UBE2E2: variants seen among roughly 807,000 people sequenced by gnomAD.
The protein encoded by UBE2E2 is ubiquitin conjugating enzyme E2 E2, also known as ubiquitin-conjugating enzyme E2 E2.
UBE2E2 carries 6 observed loss-of-function variants against 24.7 expected under a neutral mutation model. The observed-to-expected ratio is 0.24, with a 90% CI of 0.13 to 0.48. The LOEUF (loss-of-function observed/expected upper bound fraction) is 0.48. UBE2E2 is among the 20% of genes least tolerant of loss of function. The pLI is 0.99. For missense variants in UBE2E2, 169 were observed against 245.0 expected (o/e 0.69, Z 2.07); for synonymous variants, 104 against 83.6 (o/e 1.24, Z -1.33).
At chr3:23,360,751 T>C (rs1286839465) in intron 3 of UBE2E2, among the ~76,000 whole-genome samples, 1 of 152,174 alleles carries the variant, frequency 6.6e-6, no homozygotes, top group Middle Eastern at 3.4e-3. Context: ...GGTAGCCTTT[T>C]TGAAAGAAGA....
intron 5 of UBE2E2, among the ~76,000 whole-genome samples, chr3:23,546,068 C>T (rs942517807): frequency 9.2e-5 from 14 of 152,136 alleles, no homozygotes; most frequent in South Asian, 4.1e-4. Context: ...GCACTACTCA[C>T]GTGTAGGTAT....
chr3:23,385,635 C>A (rs1696790356), intron 3 of UBE2E2, among the ~76,000 whole-genome samples: 1 of 152,132 alleles, frequency 6.6e-6, no homozygotes, highest in Non-Finnish European at 1.5e-5. Context: ...AATCTCATTT[C>A]CATATGTGGG....
chr3:23,332,327 A>G (rs1301021678), intron 3 of UBE2E2, among the ~76,000 whole-genome samples: 4 of 152,022 alleles, frequency 2.6e-5, no homozygotes, highest in African/African-American at 7.2e-5. Context: ...TATTTTTAGT[A>G]GAGATGGGGC....
intron 3 of UBE2E2, among the ~76,000 whole-genome samples, chr3:23,392,975 A>G (rs1426555058): frequency 6.6e-6 from 1 of 152,178 alleles, no homozygotes; most frequent in Admixed American, 6.6e-5. Flanking sequence ...CTAAGTGAGG[A>G]TGCGGCAGAA....
intron 3 of UBE2E2, among the ~76,000 whole-genome samples, chr3:23,328,789 G>A (rs1326919324): frequency 6.6e-6 from 1 of 151,896 alleles, no homozygotes; most frequent in African/African-American, 2.4e-5. Flanking sequence ...AGCCTCCTGA[G>A]TAGCTGGGAT....
At chr3:23,398,004 G>A (rs184776737) in intron 3 of UBE2E2, among the ~76,000 whole-genome samples, 84 of 152,036 alleles carry the variant, frequency 5.5e-4, no homozygotes, top group African/African-American at 1.9e-3. Context: ...GATTTCTATT[G>A]TTCAGTTGAA....
intron 3 of UBE2E2, among the ~76,000 whole-genome samples, chr3:23,439,152 T>C (rs1415959203): frequency 6.6e-6 from 1 of 152,362 alleles, no homozygotes; most frequent in East Asian, 1.9e-4. Context: ...TGACATTGAA[T>C]TCATGATGTT....
intron 5 of UBE2E2, among the ~76,000 whole-genome samples, chr3:23,559,473 A>T (rs540958375): frequency 2.6e-4 from 40 of 152,290 alleles, no homozygotes; most frequent in Non-Finnish European, 5.4e-4. Context: ...TGAGAATTAG[A>T]TTTAAATTAC....
rs934110232 is a variant in UBE2E2 at position 23,421,509 on chromosome 3, C to G, written c.228-78099C>G. Among the ~76,000 whole-genome samples, 12 of 152,304 alleles carry G rather than the reference C, an allele frequency of 7.9e-5. 2 individuals carry two copies. Among genetic ancestry groups the G allele is most frequent in the Admixed American group, 2.0e-4 (3 of 15,296 alleles). ...GCAACCTCTGCCTCCAGGGTGCAAA[C>G]AATTCTCCTGTCCCAGCCTCCCGAG... On this transcript the variant is annotated intron_variant, in intron 3 of 5. Coordinates refer to ENST00000396703, the MANE Select transcript of UBE2E2 (RefSeq NM_152653.4).
intron 3 of UBE2E2, among the ~76,000 whole-genome samples, chr3:23,312,635 C>T (rs1364548465): frequency 1.3e-5 from 2 of 151,930 alleles, no homozygotes; most frequent in Non-Finnish European, 2.9e-5. Flanking sequence ...TTTATTTCTG[C>T]TCTGATCTTT....
intron 5 of UBE2E2, among the ~76,000 whole-genome samples, chr3:23,576,266 A>C (rs1696345004): frequency 6.6e-6 from 1 of 152,182 alleles, no homozygotes; most frequent in Non-Finnish European, 1.5e-5. Context: ...TTTTAAGACA[A>C]CTCACAGATA....
intron 3 of UBE2E2, among the ~76,000 whole-genome samples, chr3:23,458,478 C>T (rs1042302396): frequency 2.7e-5 from 4 of 149,832 alleles, no homozygotes; most frequent in African/African-American, 4.9e-5. Flanking sequence ...AGTGCAGTGG[C>T]GCCATCTCAG....
intron 3 of UBE2E2, among the ~76,000 whole-genome samples, chr3:23,369,162 G>GT (rs1696335496): frequency 6.6e-6 from 1 of 152,122 alleles, no homozygotes; most frequent in Admixed American, 6.6e-5. Flanking sequence ...CAGAGATGCT[G>GT]TTTGTATTGT....
intron 3 of UBE2E2, among the ~76,000 whole-genome samples, chr3:23,268,084 C>T (rs1350623420): frequency 6.6e-6 from 1 of 151,788 alleles, no homozygotes; most frequent in Non-Finnish European, 1.5e-5. Context: ...CTATGACAAA[C>T]CCACAGGCAA....
intron 3 of UBE2E2, among the ~76,000 whole-genome samples, chr3:23,284,877 G>T (rs190365855): frequency 1.3e-5 from 2 of 150,146 alleles, no homozygotes; most frequent in Non-Finnish European, 3.0e-5. Context: ...AATTATTACT[G>T]ACTGTAGCCA....
At chr3:23,563,970 C>CG (rs1695997855) in intron 5 of UBE2E2, among the ~76,000 whole-genome samples, 29 of 61,350 alleles carry the variant, frequency 4.7e-4, no homozygotes, top group South Asian at 1.1e-3. Context: ...CTTCCAAAAA[C>CG]AAAAGAAAGA....
rs1697196861 is a variant in UBE2E2 at position 23,400,608 on chromosome 3, A to ACACACACACACACACACACACACACACT, written c.228-98973_228-98972insTCACACACACACACACACACACACACAC. Among the ~76,000 whole-genome samples the ACACACACACACACACACACACACACACT allele has an allele frequency of 1.1e-4, 3 of 26,884 alleles. No homozygotes were observed. In the African/African-American group the frequency reaches 2.8e-3, roughly 25 times the overall value. 17.6% of individuals were successfully genotyped at this position (26,884 alleles called of 152,430 possible). The stretch of plus-strand genomic sequence containing the variant: ...GTGGACAGAGAGGAGAATAAATGAA[A>ACACACACACACACACACACACACACACT]CACACACACACACACACACACACAC... On this transcript the variant is annotated intron_variant, in intron 3 of 5. Transcript: ENST00000396703.
chr3:23,463,406 C>T (rs1208864471), intron 3 of UBE2E2, among the ~76,000 whole-genome samples: 4 of 151,998 alleles, frequency 2.6e-5, no homozygotes, highest in Admixed American at 6.6e-5. Context: ...CTTCTCACGT[C>T]AAAGAAAATA....
intron 3 of UBE2E2, among the ~76,000 whole-genome samples, chr3:23,355,167 G>C (rs1055009779): frequency 1.4e-4 from 21 of 149,394 alleles, no homozygotes; most frequent in African/African-American, 5.2e-4. Flanking sequence ...CTCATAGGTG[G>C]GAATTGAACA....
Sources: allele counts gnomAD v4.1 joint callset (sites outside exome capture counted in the v4.1 genomes callset), GRCh38; gene constraint gnomAD v4.1.1; transcripts MANE v1.5; gene names NCBI Gene and HGNC (gene_info 2026-07-23, HGNC 2026-07-21).